GRID2: variants seen among roughly 807,000 people sequenced by gnomAD.
The protein encoded by GRID2 is glutamate receptor ionotropic, delta-2.
In GRID2, 33 loss-of-function variants were observed where a neutral mutation model predicts 114.8. The ratio of observed to expected loss-of-function variants is 0.29; its 90% CI spans 0.22 to 0.38. GRID2 has a LOEUF of 0.38. GRID2 is among the 10% of genes least tolerant of loss of function. The probability of loss-of-function intolerance (pLI) is 1.00; values close to 1 mark genes in which losing one functional copy is unlikely to be tolerated. For synonymous variants in GRID2, 505 were observed against 449.9 expected (o/e 1.12, Z -1.55); for missense variants, 1,184 against 1,257.7 (o/e 0.94, Z 0.89).
intron 14 of GRID2, among the ~76,000 whole-genome samples, chr4:93,666,388 A>T (rs1723949871): frequency 6.6e-6 from 1 of 152,044 alleles, no homozygotes. Context: ...CTATATGATA[A>T]ATGCTACGGT....
chr4:93,140,076 T>C (rs2149385202), intron 4 of GRID2, among the ~76,000 whole-genome samples: 1 of 152,170 alleles, frequency 6.6e-6, no homozygotes, highest in South Asian at 2.1e-4. Flanking sequence ...AAAAAGTATC[T>C]TGGATGTGCC....
intron 2 of GRID2, among the ~76,000 whole-genome samples, chr4:92,856,538 A>G (rs192814067): frequency 2.3e-4 from 35 of 152,274 alleles, no homozygotes; most frequent in Admixed American, 2.1e-3. Context: ...TCCAGAAGAT[A>G]GTATGAAAAT....
intron 13 of GRID2, among the ~76,000 whole-genome samples, chr4:93,572,056 C>T (rs1285166381): frequency 2.0e-5 from 3 of 152,066 alleles, no homozygotes; most frequent in African/African-American, 7.2e-5. Context: ...TGCTGGTTGG[C>T]CTTCCTCTGA....
chr4:93,359,567 C>T (rs1054399421), intron 8 of GRID2, among the ~76,000 whole-genome samples: 3 of 151,224 alleles, frequency 2.0e-5, no homozygotes, highest in African/African-American at 7.3e-5. Context: ...TCTAGCCACC[C>T]GCTACTCTTC....
At chr4:92,494,339 T>G (rs575644732) in intron 1 of GRID2, among the ~76,000 whole-genome samples, 8 of 152,104 alleles carry the variant, frequency 5.3e-5, no homozygotes, top group African/African-American at 1.7e-4. Flanking sequence ...GGAAAATTTT[T>G]TAGTAATACA....
At chr4:93,247,205 A>C (rs1247009900) in intron 8 of GRID2, among the ~76,000 whole-genome samples, 3 of 152,120 alleles carry the variant, frequency 2.0e-5, no homozygotes, top group Admixed American at 2.0e-4. Context: ...AAGGACTATA[A>C]AATCTGAACT....
chr4:93,667,108 C>G (rs1724013201), intron 14 of GRID2, among the ~76,000 whole-genome samples: 2 of 152,010 alleles, frequency 1.3e-5, no homozygotes, highest in Non-Finnish European at 2.9e-5. Flanking sequence ...TTTGCCTTCA[C>G]TTAGCATATT....
intron 2 of GRID2, among the ~76,000 whole-genome samples, chr4:92,629,829 T>C (rs1250740651): frequency 6.7e-6 from 1 of 148,212 alleles, no homozygotes; most frequent in Admixed American, 6.7e-5. Flanking sequence ...GATAAAATTG[T>C]AGGTTTTATT....
chr4:92,810,700 A>G (rs1478244327), intron 2 of GRID2, among the ~76,000 whole-genome samples: 1 of 152,158 alleles, frequency 6.6e-6, no homozygotes, highest in Non-Finnish European at 1.5e-5. Context: ...GAAAGCTTAT[A>G]TAACTACTTT....
chr4:93,610,910 T>A (rs1038672594), intron 13 of GRID2, among the ~76,000 whole-genome samples: 1 of 140,630 alleles, frequency 7.1e-6, no homozygotes, highest in Non-Finnish European at 1.5e-5. Flanking sequence ...TCCTTGTACT[T>A]CCGGTAGAAT....
intron 2 of GRID2, among the ~76,000 whole-genome samples, chr4:92,989,193 C>T (rs1389798923): frequency 7.0e-6 from 1 of 142,204 alleles, no homozygotes; most frequent in African/African-American, 2.6e-5. Context: ...AGAAGAATGG[C>T]GTGAACCCGG....
intron 2 of GRID2, among the ~76,000 whole-genome samples, chr4:92,991,691 G>A (rs1049852533): frequency 1.3e-5 from 2 of 151,986 alleles, no homozygotes; most frequent in African/African-American, 4.8e-5. Context: ...GGATTTTATC[G>A]CTTGCCAAAC....
intron 14 of GRID2, among the ~76,000 whole-genome samples, chr4:93,761,129 CT>C: frequency 6.6e-6 from 1 of 152,168 alleles, no homozygotes; most frequent in East Asian, 1.9e-4. Flanking sequence ...GAAATGTGGA[CT>C]CAACACATGA....
intron 2 of GRID2, among the ~76,000 whole-genome samples, chr4:92,638,058 C>T (rs1209435379): frequency 1.3e-5 from 2 of 151,866 alleles, no homozygotes; most frequent in African/African-American, 4.8e-5. Flanking sequence ...ACTATAATCT[C>T]CTGACATGTA....
At chr4:93,532,046 C>T (rs1731500317) in intron 13 of GRID2, among the ~76,000 whole-genome samples, 1 of 151,990 alleles carries the variant, frequency 6.6e-6, no homozygotes, top group African/African-American at 2.4e-5. Flanking sequence ...TCTGAAATTC[C>T]CTACTAACTG....
chr4:93,570,847 G>A (rs1735867297), intron 13 of GRID2, among the ~76,000 whole-genome samples: 1 of 152,106 alleles, frequency 6.6e-6, no homozygotes, highest in African/African-American at 2.4e-5. Flanking sequence ...AGATGGCTGG[G>A]CATCAGGTAA....
chr4:92,914,077 A>G (rs1174141012), intron 2 of GRID2, among the ~76,000 whole-genome samples: 1 of 152,146 alleles, frequency 6.6e-6, no homozygotes, highest in Admixed American at 6.6e-5. Context: ...TAAAACAACA[A>G]TGAATTAACA....
At chr4:93,452,676 A>G (rs1477086959) in intron 10 of GRID2, among the ~76,000 whole-genome samples, 1 of 152,148 alleles carries the variant, frequency 6.6e-6, no homozygotes, top group Non-Finnish European at 1.5e-5. Context: ...AATAAGTATG[A>G]TTTTTAATCT....
At chr4:93,075,406 T>A (rs1222349136) in intron 2 of GRID2, among the ~76,000 whole-genome samples, 2 of 152,008 alleles carry the variant, frequency 1.3e-5, no homozygotes, top group African/African-American at 4.8e-5. Context: ...TCCCTAAAAA[T>A]CAGGAAAAGG....
Sources: gnomAD v4.1 joint callset for allele counts (sites outside exome capture counted in the v4.1 genomes callset) on GRCh38, gnomAD v4.1.1 for gene constraint, MANE v1.5 for transcripts, NCBI Gene and HGNC (gene_info 2026-07-23, HGNC 2026-07-21) for gene names.